USP34: variants seen among roughly 807,000 people sequenced by gnomAD.
USP34 encodes the protein ubiquitin specific peptidase 34, also known as ubiquitin carboxyl-terminal hydrolase 34.
Under a neutral mutation model 460.3 loss-of-function variants are expected in USP34, and 70 were observed. The ratio of observed to expected loss-of-function variants is 0.15; its 90% CI spans 0.13 to 0.19. The LOEUF (loss-of-function observed/expected upper bound fraction) is 0.19, where lower values mean the gene tolerates loss of function less well. Among genes scored for constraint, USP34 ranks in the 10% least tolerant of loss-of-function variants. The probability of loss-of-function intolerance (pLI) is 1.00; values close to 1 mark genes in which losing one functional copy is unlikely to be tolerated. For missense variants in USP34, 3,985 were observed against 4,236.2 expected (o/e 0.94, Z 1.65); for synonymous variants, 1,647 against 1,405.3 (o/e 1.17, Z -3.85).
At chr2:61,428,415 T>C (rs1010912195) in intron 1 of USP34, among the ~76,000 whole-genome samples, 1 of 152,114 alleles carries the variant, frequency 6.6e-6, no homozygotes, top group Non-Finnish European at 1.5e-5. Context: ...GTCCACCTAA[T>C]CAAAGAAAAA....
At chr2:61,346,968 T>G (rs553175373) in intron 15 of USP34, among the ~76,000 whole-genome samples, 1 of 148,732 alleles carries the variant, frequency 6.7e-6, no homozygotes, top group Non-Finnish European at 1.5e-5. Flanking sequence ...TGAAACCCCA[T>G]CTCTACTAAA....
chr2:61,236,249 A>C lies in USP34; in HGVS notation c.6843-13T>G. ...TTGCCACATAAATCTAGAATTTAAAAATAATCATTTAAAATTCACACGTAA... is the reference window on the plus strand; with the variant it reads ...TTGCCACATAAATCTAGAATTTAAACATAATCATTTAAAATTCACACGTAA... On this transcript the variant is annotated splice_polypyrimidine_tract_variant and intron_variant, in intron 54 of 79. Transcript: ENST00000398571. The C allele has an allele frequency of 1.9e-6, 3 of 1,603,742 alleles. No individual in the cohort carries two copies. Among genetic ancestry groups the C allele is most frequent in the Non-Finnish European group, 2.6e-6 (3 of 1,175,974 alleles).
intron 10 of USP34, among the ~76,000 whole-genome samples, chr2:61,368,768 A>G (rs1403462815): frequency 6.6e-6 from 1 of 152,220 alleles, no homozygotes; most frequent in South Asian, 2.1e-4. Context: ...GAGAAACTAA[A>G]GGAGAATTCT....
chr2:61,446,161 A>T (rs1485157531), intron 1 of USP34, among the ~76,000 whole-genome samples: 2 of 151,718 alleles, frequency 1.3e-5, no homozygotes, highest in Non-Finnish European at 2.9e-5. Context: ...AAATGTCTAC[A>T]TATTTATTCA....
intron 65 of USP34, chr2:61,221,957 T>C: frequency 5.9e-6 from 1 of 168,166 alleles, no homozygotes; most frequent in Admixed American, 6.2e-5. Context: ...TAATCACATA[T>C]GCATTACCTC....
At chr2:61,420,216 T>G (rs992660949) in intron 2 of USP34, among the ~76,000 whole-genome samples, 3 of 152,188 alleles carry the variant, frequency 2.0e-5, no homozygotes. Flanking sequence ...GGGAAAAAAA[T>G]TATTAGCAAA....
intron 48 of USP34, among the ~76,000 whole-genome samples, chr2:61,250,036 C>A (rs1055282077): frequency 6.6e-6 from 1 of 152,052 alleles, no homozygotes; most frequent in Admixed American, 6.6e-5. Context: ...CTGCTTGAGG[C>A]CAGGAGTTCG....
chr2:61,209,170 A>T (rs537192525), intron 69 of USP34, among the ~76,000 whole-genome samples, 193 bp from the exon 70 acceptor site: 4 of 152,230 alleles, frequency 2.6e-5, no homozygotes, highest in Non-Finnish European at 5.9e-5. Flanking sequence ...ACTAAAAAAA[A>T]GTCTATTAAT....
intron 62 of USP34, among the ~76,000 whole-genome samples, chr2:61,226,107 G>A (rs777259387): frequency 1.3e-5 from 2 of 152,106 alleles, no homozygotes; most frequent in African/African-American, 2.4e-5. Flanking sequence ...GACTACAGGC[G>A]TGTGCCACCA....
intron 70 of USP34, chr2:61,207,618 G>C (rs900628750): frequency 6.6e-6 from 1 of 151,964 alleles, no homozygotes; most frequent in East Asian, 1.9e-4. Flanking sequence ...TGTGTCCCTA[G>C]TACCTACCAC....
At chr2:61,417,464 TCA>T in intron 2 of USP34, 1 of 327,128 alleles carries the variant, frequency 3.1e-6, no homozygotes, top group Non-Finnish European at 6.0e-6. Flanking sequence ...TAATACTTGA[TCA>T]CACAGAGACT....
intron 68 of USP34, among the ~76,000 whole-genome samples, chr2:61,213,368 T>C (rs1399211484): frequency 2.0e-5 from 3 of 152,030 alleles, no homozygotes; most frequent in Non-Finnish European, 4.4e-5. Flanking sequence ...TGAGATTCTA[T>C]ACAACTCATT....
intron 51 of USP34, among the ~76,000 whole-genome samples, chr2:61,242,403 G>A (rs552109166): frequency 6.9e-6 from 1 of 143,938 alleles, no homozygotes; most frequent in South Asian, 2.3e-4. Context: ...AGCAAAAGAA[G>A]CATCAGAAAA....
intron 44 of USP34, among the ~76,000 whole-genome samples, chr2:61,257,630 G>C (rs1688754080): frequency 6.6e-6 from 1 of 152,156 alleles, no homozygotes; most frequent in Non-Finnish European, 1.5e-5. Context: ...CGGGCACAGT[G>C]GCTCAAGCCT....
rs560203812 is a variant in USP34 at position 61,269,963 on chromosome 2, A to T, written c.5434-3796T>A. Among the ~76,000 whole-genome samples the T allele has an allele frequency of 2.8e-4, 42 of 152,276 alleles. 1 individual carries two copies. Among genetic ancestry groups the T allele is most frequent in the Admixed American group, 1.2e-3 (18 of 15,290 alleles). Reference sequence around the variant, plus strand: ...AGCTATTTTGAAATACACAAAAAAAATTTTTTAACAATAGTCATCCTACTA... The same window carrying T: ...AGCTATTTTGAAATACACAAAAAAATTTTTTTAACAATAGTCATCCTACTA... On this transcript the variant is annotated intron_variant, in intron 41 of 79. Transcript: ENST00000398571.
intron 1 of USP34, among the ~76,000 whole-genome samples, chr2:61,432,204 TG>T (rs1319272262): frequency 6.7e-6 from 1 of 149,632 alleles, no homozygotes; most frequent in African/African-American, 2.5e-5. Flanking sequence ...TGGAATGTAG[TG>T]ACATTTTCCT....
chr2:61,434,580 C>A (rs1181012943), intron 1 of USP34, among the ~76,000 whole-genome samples: 1 of 152,192 alleles, frequency 6.6e-6, no homozygotes, highest in Non-Finnish European at 1.5e-5. Flanking sequence ...ACCCCCCTGG[C>A]AAAGCTGCAC....
chr2:61,460,863 GT>G, intron 1 of USP34, among the ~76,000 whole-genome samples: 1 of 151,728 alleles, frequency 6.6e-6, no homozygotes, highest in South Asian at 2.1e-4. Flanking sequence ...CACGCCTGTA[GT>G]CCCAGGTACT....
At chr2:61,304,913 A>T (rs943370519) in intron 27 of USP34, among the ~76,000 whole-genome samples, 4 of 151,208 alleles carry the variant, frequency 2.6e-5, no homozygotes, top group Non-Finnish European at 4.4e-5. Flanking sequence ...TCTACCTTTT[A>T]AAAAAAATAG....
Sources: allele counts gnomAD v4.1 joint callset (sites outside exome capture counted in the v4.1 genomes callset), GRCh38; gene constraint gnomAD v4.1.1; transcripts MANE v1.5; gene names NCBI Gene and HGNC (gene_info 2026-07-23, HGNC 2026-07-21).